The following PRMT8 variants were observed in gnomAD, a reference collection of about 807,000 sequenced individuals.
PRMT8 encodes protein arginine methyltransferase 8.
PRMT8 carries 7 observed loss-of-function variants against 47.1 expected under a neutral mutation model. The observed-to-expected ratio is 0.15, with a 90% confidence interval of 0.08 to 0.28. The LOEUF is 0.28. PRMT8 is among the 10% of genes least tolerant of loss of function. PRMT8 has a pLI of 1.00. For missense variants in PRMT8, 237 were observed against 505.4 expected, an observed-to-expected ratio of 0.47 and a Z score of 5.09; for synonymous variants, 188 against 186.5, an observed-to-expected ratio of 1.01 and a Z score of -0.07.
intron 1 of PRMT8, among the ~76,000 whole-genome samples, chr12:3,405,094 T>A (rs868783630): frequency 6.6e-6 from 1 of 151,976 alleles, no homozygotes; most frequent in African/African-American, 2.4e-5. Context: ...TTCAATTGAG[T>A]CACAGTTCAG....
chr12:3,588,993 T>C (rs1421226353), intron 8 of PRMT8, among the ~76,000 whole-genome samples: 1 of 152,196 alleles, frequency 6.6e-6, no homozygotes, highest in Admixed American at 6.5e-5. Flanking sequence ...CTGGATGTTT[T>C]CCAAGACATT....
At chr12:3,520,332 C>G (rs1565429540) in intron 1 of PRMT8, among the ~76,000 whole-genome samples, 2 of 152,236 alleles carry the variant, frequency 1.3e-5, no homozygotes, top group South Asian at 4.1e-4. Context: ...GAAGGAGCCA[C>G]AGGCTGACAG....
At chr12:3,516,237 G>A (rs1345419981) in intron 1 of PRMT8, among the ~76,000 whole-genome samples, 1 of 152,230 alleles carries the variant, frequency 6.6e-6, no homozygotes, top group African/African-American at 2.4e-5. Context: ...GGGTCTCCAG[G>A]ATTGGCTTCA....
intron 1 of PRMT8, among the ~76,000 whole-genome samples, chr12:3,526,841 C>A (rs1199143670): frequency 2.0e-5 from 3 of 152,060 alleles, no homozygotes; most frequent in Non-Finnish European, 4.4e-5. Flanking sequence ...TGGTATATAT[C>A]TTTTGTCATC....
intron 4 of PRMT8, among the ~76,000 whole-genome samples, chr12:3,561,202 AG>A (rs1866630346): frequency 6.6e-6 from 1 of 152,136 alleles, no homozygotes. Context: ...TCACCAACAG[AG>A]GGTCGTGCTA....
rs114268829 is a variant in PRMT8 at position 3,569,586 on chromosome 12, C to T, written c.712+22C>T. 4,726 of 1,598,932 alleles carry T rather than the reference C, an allele frequency of 3.0e-3. 103 individuals carry two copies. In the African/African-American group the frequency reaches 0.053, roughly 18 times the overall value. On this transcript the variant is annotated intron_variant, in intron 6 of 9. Transcript: ENST00000382622. The surrounding 1 kb of genome is among the most constrained non-coding windows in gnomAD (Gnocchi z 8.2). ...CACTGTAAGTCCCCTCTTGCTTCTCCGGTGGACTTCCACTGCACAATTGGG... is the reference window on the plus strand; with the variant it reads ...CACTGTAAGTCCCCTCTTGCTTCTCTGGTGGACTTCCACTGCACAATTGGG...
chr12:3,466,503 G>C (rs940668304), intron 1 of PRMT8, among the ~76,000 whole-genome samples: 9 of 152,116 alleles, frequency 5.9e-5, no homozygotes, highest in African/African-American at 2.2e-4. Flanking sequence ...AAAATAATGA[G>C]TCAATGTTCT....
rs552744696 is a variant in PRMT8 at position 3,444,574 on chromosome 12, G to A, written c.48+63132G>A. ...CAGCAAATGTTGAGCGAAGGTCTTG[G>A]TTAGAGGGGAAATTTAGAGGTCAAG... On this transcript the variant is annotated intron_variant, in intron 1 of 9. Transcript: ENST00000452611. Among the ~76,000 whole-genome samples, 28 of 152,366 alleles carry A rather than the reference G, an allele frequency of 1.8e-4. No homozygotes were observed. The South Asian group carries it at 5.4e-3, about 29-fold the overall frequency.
intron 1 of PRMT8, among the ~76,000 whole-genome samples, chr12:3,468,275 G>A (rs548696285): frequency 1.3e-5 from 2 of 152,224 alleles, no homozygotes; most frequent in African/African-American, 2.4e-5. Flanking sequence ...AAAAAATGAA[G>A]CAAGACTGAA....
chr12:3,540,617 C>T lies in PRMT8; in HGVS notation c.87C>T (p.Pro29=), dbSNP rs1372462185. The T allele has an allele frequency of 8.8e-7, 1 of 1,137,504 alleles. No individual in the cohort carries two copies. The highest frequency in any genetic ancestry group is 1.3e-5 in the South Asian group (1 of 79,840). 70.5% of individuals were successfully genotyped at this position (1,137,504 alleles called of 1,614,324 possible). A position where few individuals can be genotyped will look rare whatever the true frequency, so the allele number is the denominator to read the frequency against. Residue 29 remains proline, a synonymous_variant, in exon 2 of 10, where the codon CCC becomes CCT. Transcript: ENST00000382622. ...TCTCTTCCCCTCAGGTGAACAGCCC[C>T]CCCTCCCAGCCCCCCCAGCCCGTCG... is the stretch of plus-strand genomic sequence containing the variant. ...NAAESTEVNS[P]PSQPPQPVVP...
At chr12:3,521,430 T>A (rs886551473) in intron 1 of PRMT8, among the ~76,000 whole-genome samples, 2 of 151,858 alleles carry the variant, frequency 1.3e-5, no homozygotes, top group Non-Finnish European at 2.9e-5. Flanking sequence ...AAAAATTAGC[T>A]GGGCATGGTG....
chr12:3,485,802 C>T (rs970195871), intron 1 of PRMT8, among the ~76,000 whole-genome samples: 1 of 152,028 alleles, frequency 6.6e-6, no homozygotes, highest in African/African-American at 2.4e-5. Context: ...GAAGAGTACA[C>T]AGTAAAATGT....
At chr12:3,578,340 T>C (rs11610359) in intron 7 of PRMT8, among the ~76,000 whole-genome samples, 39,599 of 151,934 alleles carry the variant, frequency 0.26, 5,345 homozygotes, top group Middle Eastern at 0.42. Flanking sequence ...TTTTCCTGTC[T>C]TAGCCTCCTG....
intron 1 of PRMT8, among the ~76,000 whole-genome samples, chr12:3,528,871 A>C (rs1865984090): frequency 6.6e-6 from 1 of 152,154 alleles, no homozygotes; most frequent in East Asian, 1.9e-4. Flanking sequence ...TTTGGAGCTA[A>C]TTTTCCACTA....
chr12:3,524,488 T>A (rs1865923600), intron 1 of PRMT8, among the ~76,000 whole-genome samples: 1 of 151,838 alleles, frequency 6.6e-6, no homozygotes, highest in African/African-American at 2.4e-5. Flanking sequence ...AAGTTTAGTC[T>A]AAGATGAGTT....
At chr12:3,486,564 T>C (rs1865325384), upstream of PRMT8, among the ~76,000 whole-genome samples, 1 of 152,074 alleles carries the variant, frequency 6.6e-6, no homozygotes, top group Non-Finnish European at 1.5e-5. Flanking sequence ...TCCAGAGAGA[T>C]TTCCCATAAA....
intron 1 of PRMT8, among the ~76,000 whole-genome samples, chr12:3,430,551 G>A (rs941009649): frequency 3.3e-5 from 5 of 152,072 alleles, no homozygotes; most frequent in African/African-American, 1.2e-4. Flanking sequence ...TGCCTACCAG[G>A]AAACCATAAG....
At chr12:3,397,495 T>TG (rs982948976) in intron 1 of PRMT8, among the ~76,000 whole-genome samples, 8 of 150,640 alleles carry the variant, frequency 5.3e-5, no homozygotes, top group Non-Finnish European at 8.9e-5. Flanking sequence ...CTGCCCCTGC[T>TG]GGGGGGTGCC....
Position 3,552,774 on chromosome 12 carries a change from C to G in PRMT8, c.418-877C>G, listed in dbSNP as rs1866445418. 1 of 475,090 alleles carries G rather than the reference C, an allele frequency of 2.1e-6. No individual in the cohort carries two copies. The highest frequency in any genetic ancestry group is 4.2e-6 in the Non-Finnish European group (1 of 237,040). 29.4% of individuals were successfully genotyped at this position (475,090 alleles called of 1,614,324 possible). Reference sequence around the variant, plus strand: ...CCTCAGTGCCCCTTTGCGAGTACTTCTCAAGGGAATGGTCCCTGCCCGAGG... The same window carrying G: ...CCTCAGTGCCCCTTTGCGAGTACTTGTCAAGGGAATGGTCCCTGCCCGAGG... On this transcript the variant is annotated intron_variant, in intron 3 of 9. Coordinates refer to ENST00000382622, the MANE Select transcript of PRMT8 (RefSeq NM_019854.5). The surrounding 1 kb of genome is among the most constrained non-coding windows in gnomAD (Gnocchi z 4.5).
Sources: gnomAD v4.1 joint callset for allele counts (sites outside exome capture counted in the v4.1 genomes callset) on GRCh38, gnomAD v4.1.1 for gene constraint, Gnocchi (gnomAD v3.1) non-coding constraint, MANE v1.5 for transcripts, NCBI Gene and HGNC (gene_info 2026-07-23, HGNC 2026-07-21) for gene names.